The following ASCC3 variants were observed in gnomAD, a reference collection of about 807,000 sequenced individuals.
The protein encoded by ASCC3 is ASC-1 complex subunit P200.
In ASCC3, 158 loss-of-function variants were observed where a neutral mutation model predicts 256.3. That is an observed-to-expected ratio of 0.62 (90% CI 0.54 to 0.70). The LOEUF (loss-of-function observed/expected upper bound fraction) is 0.70. Among genes scored for constraint, ASCC3 ranks in the 30% least tolerant of loss-of-function variants. The pLI, the probability that ASCC3 is intolerant of heterozygous loss-of-function variation, is 0.00. For synonymous variants in ASCC3, 948 were observed against 883.4 expected, an observed-to-expected ratio of 1.07 and a Z score of -1.30; for missense variants, 2,259 against 2,626.0, an observed-to-expected ratio of 0.86 and a Z score of 3.05.
At chr6:100,579,390 C>T (rs114915646) in intron 36 of ASCC3, among the ~76,000 whole-genome samples, 5,195 of 151,950 alleles carry the variant, frequency 0.034, 272 homozygotes, top group African/African-American at 0.12. Flanking sequence ...CAACTGCTTT[C>T]GGCATCTTTT....
At chr6:100,523,691 A>G (rs991996791) in intron 37 of ASCC3, among the ~76,000 whole-genome samples, 1 of 152,216 alleles carries the variant, frequency 6.6e-6, no homozygotes, top group Non-Finnish European at 1.5e-5. Flanking sequence ...GCTTGGTCTT[A>G]GCATTTAAAT....
At chr6:100,614,603 C>T (rs2114832889) in intron 30 of ASCC3, among the ~76,000 whole-genome samples, 1 of 152,208 alleles carries the variant, frequency 6.6e-6, no homozygotes, top group African/African-American at 2.4e-5. Flanking sequence ...CAGTATTGAC[C>T]AAGAAGCCTG....
chr6:100,835,058 G>C (rs543828827), intron 4 of ASCC3, among the ~76,000 whole-genome samples: 1 of 150,658 alleles, frequency 6.6e-6, no homozygotes, highest in Non-Finnish European at 1.5e-5. Flanking sequence ...TAATGCATCA[G>C]TGCCTACCCA....
intron 14 of ASCC3, among the ~76,000 whole-genome samples, chr6:100,663,378 C>A (rs1776319970): frequency 6.6e-6 from 1 of 152,064 alleles, no homozygotes; most frequent in Non-Finnish European, 1.5e-5. Context: ...GATGAAATCT[C>A]ACACTGTCCT....
chr6:100,692,787 A>T (rs1777899785), intron 13 of ASCC3, among the ~76,000 whole-genome samples: 1 of 152,060 alleles, frequency 6.6e-6, no homozygotes, highest in Admixed American at 6.6e-5. Context: ...GCATAGTATT[A>T]GGCTTAGTTT....
At chr6:100,567,627 A>G (rs1770337389) in intron 36 of ASCC3, among the ~76,000 whole-genome samples, 1 of 152,140 alleles carries the variant, frequency 6.6e-6, no homozygotes, top group Admixed American at 6.5e-5. Flanking sequence ...CCCACTGTTT[A>G]GCTCCCACTT....
chr6:100,542,294 T>C (rs192519610), intron 36 of ASCC3, among the ~76,000 whole-genome samples: 2 of 152,276 alleles, frequency 1.3e-5, no homozygotes, highest in South Asian at 2.1e-4. Context: ...AACACTATGT[T>C]ATGTACAGTG....
Position 100,772,726 on chromosome 6 carries a change from T to A in ASCC3, c.1396-5381A>T, listed in dbSNP as rs531881837. On this transcript the variant is annotated intron_variant, in intron 8 of 41. Transcript: ENST00000369162. ...GGACAGTACAGCACATTTTTCAGGATACTGGGCTTACAGTCAGAGACCCAA... is the reference window on the plus strand; with the variant it reads ...GGACAGTACAGCACATTTTTCAGGAAACTGGGCTTACAGTCAGAGACCCAA... Among the ~76,000 whole-genome samples the A allele has an allele frequency of 8.5e-5, 13 of 152,316 alleles. No individual in the cohort carries two copies. The South Asian group carries it at 2.7e-3, about 32-fold the overall frequency.
rs531688012 is a variant in ASCC3 at position 100,780,536 on chromosome 6, T to G, written c.1396-13191A>C. Among the ~76,000 whole-genome samples the G allele has an allele frequency of 2.0e-5, 3 of 152,212 alleles. No homozygotes were observed. In the East Asian group the frequency reaches 5.8e-4, roughly 29 times the overall value. On this transcript the variant is annotated intron_variant, in intron 8 of 41. Coordinates refer to ENST00000369162, the MANE Select transcript of ASCC3 (RefSeq NM_006828.4). ...GAAGGATTGCTTGAGGCCAGGAGTT[T>G]GAGGCTGCAGTGAGCCATGATCATG...
In ASCC3 at chr6:100,862,800, T is replaced by C. The variant is rs558980341; in HGVS notation, c.241+1264A>G. Among the ~76,000 whole-genome samples the C allele has an allele frequency of 2.6e-5, 4 of 152,292 alleles. 1 individual carries two copies. The South Asian group carries it at 8.3e-4, about 32-fold the overall frequency. ...ATGGAGAAAATGTTATGAATGATTA[T>C]AAGATAAAGAGTGATTGGGTAACAA... On this transcript the variant is annotated intron_variant, in intron 3 of 41. Transcript: ENST00000369162.
intron 4 of ASCC3, among the ~76,000 whole-genome samples, chr6:100,844,482 T>C (rs1772298347): frequency 6.6e-6 from 1 of 152,050 alleles, no homozygotes; most frequent in Admixed American, 6.6e-5. Flanking sequence ...ACTGCTACAA[T>C]TCTGGTTCTG....
At chr6:100,802,235 A>G (rs979770771) in intron 5 of ASCC3, among the ~76,000 whole-genome samples, 2 of 152,012 alleles carry the variant, frequency 1.3e-5, no homozygotes, top group Non-Finnish European at 2.9e-5. Context: ...ACATGCAAAA[A>G]TGAAATGAAT....
intron 13 of ASCC3, among the ~76,000 whole-genome samples, chr6:100,710,608 T>C (rs982309175): frequency 1.3e-5 from 2 of 152,170 alleles, no homozygotes; most frequent in East Asian, 3.8e-4. Flanking sequence ...CCAAGTTTTA[T>C]AATTAATGAT....
At chr6:100,697,880 A>G (rs1778165121) in intron 13 of ASCC3, among the ~76,000 whole-genome samples, 2 of 152,120 alleles carry the variant, frequency 1.3e-5, no homozygotes, top group Non-Finnish European at 2.9e-5. Context: ...TACTATCAAC[A>G]AAGAAGTTGG....
intron 30 of ASCC3, among the ~76,000 whole-genome samples, chr6:100,608,932 T>A (rs1285414962): frequency 6.8e-6 from 1 of 146,828 alleles, no homozygotes; most frequent in Non-Finnish European, 1.5e-5. Flanking sequence ...CCCGTCTAAT[T>A]TTTTGTATTT....
At chr6:100,619,189 A>C (rs1385916935) in intron 30 of ASCC3, among the ~76,000 whole-genome samples, 1 of 152,234 alleles carries the variant, frequency 6.6e-6, no homozygotes, top group African/African-American at 2.4e-5. Flanking sequence ...TCACAGACAA[A>C]AAACCACTTG....
rs748572881 is a variant in ASCC3, at chr6:100,607,075, A to G, written c.4799T>C (p.Ile1600Thr). 5 of 1,613,636 alleles carry G rather than the reference A, an allele frequency of 3.1e-6. No individual in the cohort carries two copies. In the Admixed American group the frequency reaches 6.7e-5, roughly 22 times the overall value. Reference protein sequence around the residue: ...NMDEREMENIIATVRDSNLKL... With the variant: ...NMDEREMENITATVRDSNLKL... Reference sequence around the variant, plus strand: ...GAGGTTGGAATCTCTTACTGTTGCAATGATGTTCTCCATCTGCAAGTAAAA... The same window carrying G: ...GAGGTTGGAATCTCTTACTGTTGCAGTGATGTTCTCCATCTGCAAGTAAAA... The change falls in exon 31 of 42, where the codon ATT becomes ACT. Residue 1600 changes from isoleucine (I) to threonine (T), a missense_variant. Physicochemically the swap from Ile to Thr is moderately conservative, Grantham distance 89 (BLOSUM62 -1). Around this residue, in one of 2 missense-constraint regions of ASCC3, gnomAD observed 1,839 missense variants for 2,206.7 expected, o/e 0.83. Transcript: ENST00000369162.
chr6:100,812,747 T>G (rs947298055), intron 4 of ASCC3, among the ~76,000 whole-genome samples: 3 of 151,634 alleles, frequency 2.0e-5, no homozygotes, highest in Non-Finnish European at 4.4e-5. Flanking sequence ...CTGGGCAACA[T>G]AGCAAGACTC....
chr6:100,727,865 C>T (rs969913427), intron 10 of ASCC3, among the ~76,000 whole-genome samples: 4 of 152,008 alleles, frequency 2.6e-5, no homozygotes, highest in Admixed American at 6.6e-5. Flanking sequence ...CAGTAGGGAT[C>T]ATTCTAAGGA....
Sources: allele counts gnomAD v4.1 joint callset (sites outside exome capture counted in the v4.1 genomes callset), GRCh38; gene constraint gnomAD v4.1.1; regional missense constraint gnomAD v4.1.1; transcripts MANE v1.5; gene names NCBI Gene and HGNC (gene_info 2026-07-23, HGNC 2026-07-21).